ADGRL2: variants seen among roughly 807,000 people sequenced by gnomAD.
ADGRL2 encodes the protein adhesion G protein-coupled receptor L2.
ADGRL2 carries 44 observed loss-of-function variants against 157.4 expected under a neutral mutation model. The observed-to-expected ratio is 0.28, with a 90% CI of 0.22 to 0.36. The LOEUF (loss-of-function observed/expected upper bound fraction) is 0.36, where lower values mean the gene tolerates loss of function less well. Among genes scored for constraint, ADGRL2 ranks in the 10% least tolerant of loss-of-function variants. The pLI, the probability that ADGRL2 is intolerant of heterozygous loss-of-function variation, is 1.00. For synonymous variants in ADGRL2, 585 were observed against 624.7 expected (o/e 0.94, Z 0.95); for missense variants, 1,510 against 1,768.9 (o/e 0.85, Z 2.63).
At position 81,943,839 on chromosome 1, in the gene ADGRL2, A is replaced by ATT; in HGVS notation, c.1210+78_1210+79dup. 8.0e-7 allele frequency: 1 copy of ATT among 1,246,562 alleles called. No individual in the cohort carries two copies. The highest frequency in any genetic ancestry group is 1.1e-6 in the Non-Finnish European group (1 of 888,744). 77.2% of individuals were successfully genotyped at this position (1,246,562 alleles called of 1,614,324 possible). ...CATTTTTCTTTTTAAAGACTTCTTA[A>ATT]TTTTTTTTTCCTATTTTCTTCCCCT... On this transcript the variant is annotated intron_variant, in intron 6 of 23. Transcript: ENST00000686636. This position sits in a 1 kb window ranked among gnomAD's most constrained non-coding sequence, Gnocchi z 5.6.
chr1:81,527,159 T>C (rs2079478779), intron 2 of ADGRL2, among the ~76,000 whole-genome samples: 1 of 152,200 alleles, frequency 6.6e-6, no homozygotes, highest in African/African-American at 2.4e-5. Context: ...ACCAATAAAA[T>C]ACCAACCTGG....
chr1:81,971,515 A>G (rs959692457), intron 16 of ADGRL2, among the ~76,000 whole-genome samples: 1 of 152,164 alleles, frequency 6.6e-6, no homozygotes, highest in Non-Finnish European at 1.5e-5. Context: ...CTTTAAAATG[A>G]TGAGACAATT....
chr1:81,731,676 A>G (rs1421198984), intron 1 of ADGRL2, among the ~76,000 whole-genome samples: 1 of 151,792 alleles, frequency 6.6e-6, no homozygotes, highest in Non-Finnish European at 1.5e-5. Flanking sequence ...CTGATGCAAC[A>G]TGGCCTGTTT....
intron 1 of ADGRL2, among the ~76,000 whole-genome samples, chr1:81,750,729 A>T (rs1450669280): frequency 1.3e-5 from 2 of 149,784 alleles, no homozygotes; most frequent in Non-Finnish European, 3.0e-5. Context: ...AAACAAAAAA[A>T]ACAAAAAACA....
intron 7 of ADGRL2, among the ~76,000 whole-genome samples, 186 bp from the exon 8 acceptor site, chr1:81,950,832 C>G (rs1651540133): frequency 1.3e-5 from 2 of 152,156 alleles, no homozygotes; most frequent in Admixed American, 1.3e-4. Flanking sequence ...TATGATATTT[C>G]TATGCTGACT....
chr1:81,474,976 A>T (rs2078242425), intron 2 of ADGRL2, among the ~76,000 whole-genome samples: 1 of 152,158 alleles, frequency 6.6e-6, no homozygotes, highest in South Asian at 2.1e-4. Context: ...CTAAGAAAAC[A>T]TTTTGATAGG....
At chr1:81,750,715 T>C (rs1475598579) in intron 1 of ADGRL2, among the ~76,000 whole-genome samples, 2 of 151,234 alleles carry the variant, frequency 1.3e-5, no homozygotes, top group African/African-American at 4.9e-5. Flanking sequence ...AGACTCCATT[T>C]CAAAAACAAA....
Position 81,969,168 on chromosome 1 carries a change from T to C in ADGRL2, c.2524-10T>C, listed in dbSNP as rs772028327. ...GAATACTAATGTTCCTCATATCTTT[T>C]TATTTTCAGTATAAAGATGGCGTTC... On this transcript the variant is annotated splice_polypyrimidine_tract_variant and intron_variant, in intron 14 of 23. Coordinates refer to ENST00000686636, the MANE Select transcript of ADGRL2 (RefSeq NM_001366006.2). 1.9e-6 allele frequency: 3 copies of C among 1,592,668 alleles called. No homozygotes were observed. The South Asian group carries it at 3.3e-5, about 18-fold the overall frequency.
At chr1:81,906,634 C>A (rs1177616547) in intron 2 of ADGRL2, among the ~76,000 whole-genome samples, 1 of 151,744 alleles carries the variant, frequency 6.6e-6, no homozygotes, top group Non-Finnish European at 1.5e-5. Flanking sequence ...GTGGGTGTAG[C>A]AGAGCCTTCA....
At chr1:81,371,395 A>G (rs1484121858) in intron 1 of ADGRL2, among the ~76,000 whole-genome samples, 1 of 152,228 alleles carries the variant, frequency 6.6e-6, no homozygotes, top group Non-Finnish European at 1.5e-5. Flanking sequence ...AGGAAAGAAA[A>G]GTATCAATAA....
At chr1:81,346,944 C>A (rs78079824) in intron 1 of ADGRL2, among the ~76,000 whole-genome samples, 1,865 of 152,072 alleles carry the variant, frequency 0.012, 43 homozygotes, top group African/African-American at 0.042. Flanking sequence ...GAGGTGCATG[C>A]AAGAAAAAGC....
chr1:81,926,845 G>A (rs948682694), intron 3 of ADGRL2, among the ~76,000 whole-genome samples: 1 of 151,934 alleles, frequency 6.6e-6, no homozygotes, highest in South Asian at 2.1e-4. Flanking sequence ...AACAGATTTT[G>A]TACTGGATTA....
intron 2 of ADGRL2, among the ~76,000 whole-genome samples, chr1:81,903,917 A>G (rs575483836): frequency 3.3e-5 from 5 of 151,384 alleles, no homozygotes; most frequent in Non-Finnish European, 5.9e-5. Context: ...TCTTATGACA[A>G]TTCCAGTGAT....
chr1:81,712,052 C>T (rs1224232504), intron 1 of ADGRL2, among the ~76,000 whole-genome samples: 1 of 152,088 alleles, frequency 6.6e-6, no homozygotes, highest in African/African-American at 2.4e-5. Flanking sequence ...CTAATCGAAT[C>T]CTGTGCCTGG....
chr1:81,673,696 T>G (rs1252203724), intron 3 of ADGRL2, among the ~76,000 whole-genome samples: 1 of 151,984 alleles, frequency 6.6e-6, no homozygotes, highest in East Asian at 1.9e-4. Flanking sequence ...TTTGTATTTT[T>G]TTAGTAGAGA....
At chr1:81,871,119 G>T (rs1260760065) in intron 2 of ADGRL2, among the ~76,000 whole-genome samples, 31 of 126,248 alleles carry the variant, frequency 2.5e-4, no homozygotes, top group African/African-American at 6.2e-4. Context: ...GTTGTGTGAT[G>T]TTCCCCATCC....
intron 1 of ADGRL2, among the ~76,000 whole-genome samples, chr1:81,815,016 A>T (rs1269052707): frequency 6.6e-6 from 1 of 151,688 alleles, no homozygotes; most frequent in African/African-American, 2.4e-5. Context: ...CTTTCTACTC[A>T]TGGGTAACTT....
chr1:81,368,684 G>C (rs189820200), intron 1 of ADGRL2, among the ~76,000 whole-genome samples: 1 of 152,124 alleles, frequency 6.6e-6, no homozygotes, highest in South Asian at 2.1e-4. Context: ...TTTAATGTCT[G>C]TTCTTCACAC....
chr1:81,330,193 C>T (rs1661179898), intron 1 of ADGRL2, among the ~76,000 whole-genome samples: 1 of 151,784 alleles, frequency 6.6e-6, no homozygotes, highest in East Asian at 1.9e-4. Context: ...TGAGGATGAC[C>T]AAAAGTACCT....
Sources: gnomAD v4.1 joint callset for allele counts (sites outside exome capture counted in the v4.1 genomes callset) on GRCh38, gnomAD v4.1.1 for gene constraint, Gnocchi (gnomAD v3.1) non-coding constraint, MANE v1.5 for transcripts, NCBI Gene and HGNC (gene_info 2026-07-23, HGNC 2026-07-21) for gene names.